The following CEACAM5 variants were observed in gnomAD, a reference collection of about 807,000 sequenced individuals.
CEACAM5 encodes CEA cell adhesion molecule 5.
Under a neutral mutation model 63.0 loss-of-function variants are expected in CEACAM5, and 52 were observed. The ratio of observed to expected loss-of-function variants is 0.83; its 90% CI spans 0.66 to 1.04. CEACAM5 has a LOEUF of 1.04. Ranked by LOEUF, CEACAM5 falls within the 50% of genes least tolerant of loss-of-function variation. The pLI is 0.00. For synonymous variants in CEACAM5, 357 were observed against 351.3 expected (o/e 1.02, Z -0.18); for missense variants, 790 against 864.8 (o/e 0.91, Z 1.08).
Position 41,718,323 on chromosome 19 carries a change from A to G in CEACAM5, c.1433A>G (p.Gln478Arg). The change falls in exon 6 of 10, where the codon CAG (glutamine) becomes CGG (arginine). Residue 478 changes from glutamine (Q) to arginine (R), a missense_variant. Physicochemically the swap from Gln to Arg is conservative, Grantham distance 43 (BLOSUM62 1). Transcript: ENST00000221992. Reference protein sequence around the residue: ...TEKNSGLYTCQANNSASGHSR... With the variant: ...TEKNSGLYTCRANNSASGHSR... The stretch of plus-strand genomic sequence containing the variant: ...AAGAACAGCGGACTCTATACCTGCC[A>G]GGCCAATAACTCAGCCAGTGGCCAC... 1 of 1,614,194 alleles carries G rather than the reference A, an allele frequency of 6.2e-7. No individual in the cohort carries two copies. The highest frequency in any genetic ancestry group is 1.1e-5 in the South Asian group (1 of 91,078).
intron 1 of CEACAM5, among the ~76,000 whole-genome samples, chr19:41,709,271 T>C (rs1413417233): frequency 6.6e-6 from 1 of 151,900 alleles, no homozygotes; most frequent in Admixed American, 6.6e-5. Context: ...AAGACAGACA[T>C]ACAAAGAGAT....
At chr19:41,720,238 G>A (rs1555815919) in intron 7 of CEACAM5, 30 bp downstream of exon 7, 5 of 1,603,732 alleles carry the variant, frequency 3.1e-6, no homozygotes, top group Admixed American at 1.7e-5. Flanking sequence ...CTGTGGCCCT[G>A]GTTTCCAACC....
chr19:41,713,444 A>C (rs1279413025), intron 2 of CEACAM5, among the ~76,000 whole-genome samples: 3 of 152,238 alleles, frequency 2.0e-5, no homozygotes, highest in Non-Finnish European at 2.9e-5. Context: ...AGAAATCCAA[A>C]ACACTTTTAG....
chr19:41,709,600 C>T, intron 1 of CEACAM5, 80 bp from the exon 2 acceptor site: 7 of 1,540,336 alleles, frequency 4.5e-6, no homozygotes, highest in Non-Finnish European at 4.4e-6. Flanking sequence ...ATGAAGAGAC[C>T]TGCTCAGGAC....
chr19:41,718,147 C>T lies in CEACAM5; in HGVS notation c.1257C>T (p.Thr419=), dbSNP rs1372155774. Residue 419 remains threonine (T), a synonymous_variant, in exon 6 of 10, where the codon ACC becomes ACT. Coordinates refer to ENST00000221992, the MANE Select transcript of CEACAM5 (RefSeq NM_004363.6). Reference sequence around the variant, plus strand: ...CTCCAGATGGCCCAGACGACCCCACCATTTCCCCCTCATACACCTATTACC... The same window carrying T: ...CTCCAGATGGCCCAGACGACCCCACTATTTCCCCCTCATACACCTATTACC... ...LNVLYGPDDP[T]ISPSYTYYRP... is the part of the protein sequence containing the mutation. 6.2e-7 allele frequency: 1 copy of T among 1,614,204 alleles called. No individual in the cohort carries two copies. The highest frequency in any genetic ancestry group is 8.5e-7 in the Non-Finnish European group (1 of 1,180,030).
rs781968228 is a variant in CEACAM5 at position 41,718,358 on chromosome 19, A to G, written c.1468A>G (p.Thr490Ala). 3.1e-6 allele frequency: 5 copies of G among 1,614,206 alleles called. No homozygotes were observed. In the Admixed American group the frequency reaches 6.7e-5, roughly 22 times the overall value. The part of the protein sequence containing the change: ...NNSASGHSRT[T>A]VKTITVSAEL... ...CTCAGCCAGTGGCCACAGCAGGACT[A>G]CAGTCAAGACAATCACAGTCTCTGG... Residue 490 changes from threonine (T) to alanine (A), a missense_variant, in exon 6 of 10, where the codon ACA (threonine) becomes GCA (alanine). Coordinates refer to ENST00000221992, the MANE Select transcript of CEACAM5 (RefSeq NM_004363.6).
Position 41,715,893 on chromosome 19 carries a change from T to C in CEACAM5, c.947T>C (p.Ile316Thr). ...CTCAATAGGACCACAGTCACGACGA[T>C]CACAGTCTATGGTAAGTGGATCCAC... ...TGLNRTTVTT[I>T]TVYAEPPKPF... The change falls in exon 4 of 10, where the codon ATC becomes ACC. Residue 316 changes from isoleucine to threonine, a missense_variant. By Grantham distance (89) the Ile-to-Thr change is moderately conservative. Transcript: ENST00000221992. 3.1e-6 allele frequency: 5 copies of C among 1,613,936 alleles called. No individual in the cohort carries two copies. Among genetic ancestry groups the C allele is most frequent in the Non-Finnish European group, 4.2e-6 (5 of 1,179,872 alleles).
rs1412930045 is a variant in CEACAM5 at position 41,715,676 on chromosome 19, C to T, written c.730C>T (p.Pro244Ser). The T allele has an allele frequency of 4.3e-6, 7 of 1,614,068 alleles. No homozygotes were observed. The African/African-American group carries it at 9.3e-5, about 22-fold the overall frequency. The change falls in exon 4 of 10, where the codon CCT becomes TCT. Residue 244 changes from proline to serine, a missense_variant. By Grantham distance (74) the Pro-to-Ser change is moderately conservative. Coordinates refer to ENST00000221992, the MANE Select transcript of CEACAM5 (RefSeq NM_004363.6). ...TGGCCCGGATGCCCCCACCATTTCCCCTCTAAACACATCTTACAGATCAGG... is the reference window on the plus strand; with the variant it reads ...TGGCCCGGATGCCCCCACCATTTCCTCTCTAAACACATCTTACAGATCAGG... ...LYGPDAPTIS[P>S]LNTSYRSGEN...
chr19:41,714,707 C>T (rs977083031), intron 2 of CEACAM5, among the ~76,000 whole-genome samples: 1 of 152,170 alleles, frequency 6.6e-6, no homozygotes, highest in African/African-American at 2.4e-5. Context: ...TGACCTCCCC[C>T]CCAGTCCTGT....
rs61735258 is a variant in CEACAM5, at chr19:41,715,791, A to G, written c.845A>G (p.Gln282Arg). 9 of 1,614,200 alleles carry G rather than the reference A, an allele frequency of 5.6e-6. No individual in the cohort carries two copies. The Admixed American group carries it at 1.2e-4, about 21-fold the overall frequency. ...AATGGGACTTTCCAGCAATCCACCC[A>G]AGAGCTCTTTATCCCCAACATCACT... ...FVNGTFQQST[Q>R]ELFIPNITVN... The change falls in exon 4 of 10, where the codon CAA becomes CGA. Residue 282 changes from glutamine to arginine, a missense_variant. Physicochemically the swap from Gln to Arg is conservative, Grantham distance 43 (BLOSUM62 1). Coordinates refer to ENST00000221992, the MANE Select transcript of CEACAM5 (RefSeq NM_004363.6).
intron 6 of CEACAM5, among the ~76,000 whole-genome samples, chr19:41,718,698 G>A (rs1555815579): frequency 6.6e-6 from 1 of 152,224 alleles, no homozygotes; most frequent in Non-Finnish European, 1.5e-5. Context: ...GCTCCTCTCT[G>A]TCACCAATAT....
At chr19:41,713,888 G>A (rs1181450554) in intron 2 of CEACAM5, among the ~76,000 whole-genome samples, 3 of 152,120 alleles carry the variant, frequency 2.0e-5, no homozygotes, top group South Asian at 2.1e-4. Context: ...CAGCATCCTC[G>A]CCTGCCCTCT....
intron 2 of CEACAM5, among the ~76,000 whole-genome samples, chr19:41,711,106 C>A (rs1242556603): frequency 6.6e-6 from 1 of 152,090 alleles, no homozygotes; most frequent in Non-Finnish European, 1.5e-5. Context: ...CATGGGCTTG[C>A]GTTCTTTTGT....
intron 7 of CEACAM5, 131 bp downstream of exon 7, chr19:41,720,339 C>A: frequency 8.3e-7 from 1 of 1,204,186 alleles, no homozygotes; most frequent in Non-Finnish European, 1.2e-6. Flanking sequence ...CTGGCCATAA[C>A]TTCCTGTCCC....
intron 2 of CEACAM5, among the ~76,000 whole-genome samples, chr19:41,712,198 G>A (rs1340245127): frequency 2.6e-5 from 4 of 152,134 alleles, no homozygotes; most frequent in African/African-American, 4.8e-5. Context: ...CTGGTGTGGG[G>A]CTCACATCCT....
intron 3 of CEACAM5, 160 bp from the exon 4 acceptor site, chr19:41,715,490 G>T: frequency 8.7e-7 from 1 of 1,146,454 alleles, no homozygotes; most frequent in East Asian, 2.4e-5. Flanking sequence ...GGGAGAAACA[G>T]GTGAATATCT....
At chr19:41,727,158 T>G (rs782436519) in intron 8 of CEACAM5, 76 bp from the exon 9 acceptor site, 6 of 1,087,776 alleles carry the variant, frequency 5.5e-6, no homozygotes, top group Non-Finnish European at 8.6e-6. Flanking sequence ...TGCTGAGAGC[T>G]GGAACCTGGG....
intron 9 of CEACAM5, among the ~76,000 whole-genome samples, chr19:41,727,833 A>G (rs1482201641): frequency 2.6e-5 from 4 of 152,082 alleles, no homozygotes; most frequent in African/African-American, 9.7e-5. Flanking sequence ...CTCTTTACTA[A>G]TCTTTTTTAC....
rs138057632 is a variant in CEACAM5 at position 41,713,779 on chromosome 19, T to C, written c.425-1192T>C. ...CTGTCTCATAACTGTCAAACACACA[T>C]GGTCCTTGAGGGCCAGATTTCCAGC... On this transcript the variant is annotated intron_variant, in intron 2 of 9. Coordinates refer to ENST00000221992, the MANE Select transcript of CEACAM5 (RefSeq NM_004363.6). Among the ~76,000 whole-genome samples, 5 of 152,366 alleles carry C rather than the reference T, an allele frequency of 3.3e-5. No individual in the cohort carries two copies. In the East Asian group the frequency reaches 9.6e-4, roughly 29 times the overall value.
Sources: allele counts gnomAD v4.1 joint callset (sites outside exome capture counted in the v4.1 genomes callset), GRCh38; gene constraint gnomAD v4.1.1; transcripts MANE v1.5; gene names NCBI Gene and HGNC (gene_info 2026-07-23, HGNC 2026-07-21).